The following EGLN1 variants were observed in gnomAD, a reference collection of about 807,000 sequenced individuals.
EGLN1 encodes the protein egl-9 family hypoxia inducible factor 1, also known as egl nine homolog 1.
In EGLN1, 17 loss-of-function variants were observed where a neutral mutation model predicts 38.3. The observed-to-expected ratio is 0.44, with a 90% CI of 0.30 to 0.67. The LOEUF (loss-of-function observed/expected upper bound fraction) is 0.67, where lower values mean the gene tolerates loss of function less well. EGLN1 is among the 30% of genes least tolerant of loss of function. EGLN1 has a pLI of 0.08. For missense variants in EGLN1, 477 were observed against 603.3 expected (o/e 0.79, Z 2.19); for synonymous variants, 283 against 257.5 (o/e 1.10, Z -0.95).
At chr1:231,383,773 C>T (rs994467459) in intron 1 of EGLN1, among the ~76,000 whole-genome samples, 13 of 151,912 alleles carry the variant, frequency 8.6e-5, no homozygotes, top group African/African-American at 2.2e-4. Flanking sequence ...CAGTAAGAAT[C>T]GCTTGGGTTA....
At position 231,369,160 on chromosome 1, in the gene EGLN1, C is replaced by T. The variant is rs138813666; in HGVS notation, c.1148+1402G>A. Among the ~76,000 whole-genome samples the T allele has an allele frequency of 9.2e-5, 14 of 152,202 alleles. No individual in the cohort carries two copies. The South Asian group carries it at 1.0e-3, about 11-fold the overall frequency. On this transcript the variant is annotated intron_variant, in intron 3 of 4. Transcript: ENST00000366641. ...TTCCATGCCTTAACTTGAACAACTACGCCTTTTCCCCCAGAACTTTACTAA... is the reference window on the plus strand; with the variant it reads ...TTCCATGCCTTAACTTGAACAACTATGCCTTTTCCCCCAGAACTTTACTAA...
intron 1 of EGLN1, among the ~76,000 whole-genome samples, chr1:231,419,374 A>G (rs1351055965): frequency 6.6e-6 from 1 of 152,216 alleles, no homozygotes. Flanking sequence ...TAACTTGGAA[A>G]GCTAAATTAA....
intron 1 of EGLN1, chr1:231,420,152 A>G (rs1205701479): frequency 6.6e-6 from 1 of 152,244 alleles, no homozygotes; most frequent in Non-Finnish European, 1.5e-5. Flanking sequence ...CCGCAATAGT[A>G]AAGAGAAAAC....
intron 1 of EGLN1, among the ~76,000 whole-genome samples, chr1:231,400,626 A>G (rs1688643301): frequency 6.6e-6 from 1 of 152,204 alleles, no homozygotes; most frequent in Admixed American, 6.5e-5. Flanking sequence ...CCTTTGAGTG[A>G]ATGGCTGGGT....
intron 1 of EGLN1, among the ~76,000 whole-genome samples, chr1:231,420,740 G>A (rs1337657224): frequency 6.6e-6 from 1 of 152,158 alleles, no homozygotes; most frequent in African/African-American, 2.4e-5. Context: ...AAGCGCCTAC[G>A]TTGAGTCAAA....
At chr1:231,392,144 G>A (rs1407388523) in intron 1 of EGLN1, among the ~76,000 whole-genome samples, 1 of 152,066 alleles carries the variant, frequency 6.6e-6, no homozygotes, top group East Asian at 1.9e-4. Flanking sequence ...AAAATTAGCC[G>A]GATGTGGTGG....
chr1:231,397,000 TTATC>T (rs746462269), intron 1 of EGLN1, among the ~76,000 whole-genome samples: 3 of 152,226 alleles, frequency 2.0e-5, no homozygotes, highest in Admixed American at 6.5e-5. Context: ...AACAGTCTTC[TTATC>T]TATCTCCCTC....
intron 1 of EGLN1, among the ~76,000 whole-genome samples, chr1:231,419,883 T>C (rs961298199): frequency 6.6e-6 from 1 of 152,068 alleles, no homozygotes; most frequent in African/African-American, 2.4e-5. Flanking sequence ...GAAAAACCAC[T>C]AGTTAGAGTC....
rs183940450 is a variant in EGLN1 at position 231,366,099 on chromosome 1, C to T, written c.*312G>A. On this transcript the variant is annotated 3_prime_UTR_variant, in exon 5 of 5. Transcript: ENST00000366641. ...AGATGAAATGAACTCAGCTAGATAACAGATCTGGCAAAATATAAGAATGAA... is the reference window on the plus strand; with the variant it reads ...AGATGAAATGAACTCAGCTAGATAATAGATCTGGCAAAATATAAGAATGAA... 7.2e-5 allele frequency: 27 copies of T among 372,598 alleles called. No individual in the cohort carries two copies. The Admixed American group carries it at 8.8e-4, about 12-fold the overall frequency. 23.1% of individuals were successfully genotyped at this position (372,598 alleles called of 1,614,324 possible). A position where few individuals can be genotyped will look rare whatever the true frequency, so the allele number is the denominator to read the frequency against.
intron 1 of EGLN1, among the ~76,000 whole-genome samples, chr1:231,411,869 G>T (rs1248090459): frequency 1.3e-5 from 2 of 151,366 alleles, no homozygotes; most frequent in African/African-American, 4.9e-5. Flanking sequence ...TGTGGTGGTG[G>T]GCACCTGTAG....
intron 1 of EGLN1, among the ~76,000 whole-genome samples, chr1:231,382,349 T>G (rs1341600356): frequency 6.6e-6 from 1 of 152,184 alleles, no homozygotes; most frequent in Non-Finnish European, 1.5e-5. Flanking sequence ...CCTGGAGCAC[T>G]TAGTTAACAT....
intron 1 of EGLN1, among the ~76,000 whole-genome samples, chr1:231,403,486 A>G (rs1688712476): frequency 6.6e-6 from 1 of 152,094 alleles, no homozygotes; most frequent in South Asian, 2.1e-4. Context: ...TAAGATTTTT[A>G]CAGGCTGGGT....
chr1:231,383,265 C>A (rs188658773), intron 1 of EGLN1, among the ~76,000 whole-genome samples: 1 of 152,108 alleles, frequency 6.6e-6, no homozygotes, highest in Non-Finnish European at 1.5e-5. Flanking sequence ...AGATTTGTAA[C>A]ACTCATTTAA....
chr1:231,403,953 G>T (rs1326759811), intron 1 of EGLN1, among the ~76,000 whole-genome samples: 1 of 151,696 alleles, frequency 6.6e-6, no homozygotes, highest in Non-Finnish European at 1.5e-5. Context: ...GAAAAACATA[G>T]GTATGAATAC....
intron 1 of EGLN1, among the ~76,000 whole-genome samples, chr1:231,381,806 T>C (rs2486740): frequency 0.54 from 82,831 of 152,076 alleles, 24,184 homozygotes; most frequent in Non-Finnish European, 0.65. Context: ...TTACCAGCAC[T>C]GCACAACTCT....
intron 1 of EGLN1, among the ~76,000 whole-genome samples, chr1:231,409,255 A>C (rs949729302): frequency 2.0e-4 from 29 of 141,642 alleles, no homozygotes; most frequent in African/African-American, 6.9e-4. Flanking sequence ...AAAAAAAAAA[A>C]ACAAAAAAAA....
intron 1 of EGLN1, among the ~76,000 whole-genome samples, chr1:231,410,093 T>C (rs1318559021): frequency 3.3e-5 from 5 of 152,202 alleles, no homozygotes. Flanking sequence ...AGAACTGACG[T>C]AAGAACTGGT....
chr1:231,383,279 T>C (rs565813160), intron 1 of EGLN1, among the ~76,000 whole-genome samples: 33 of 152,216 alleles, frequency 2.2e-4, no homozygotes, highest in African/African-American at 7.7e-4. Flanking sequence ...CATTTAACTG[T>C]AGCCTCCAAA....
At chr1:231,385,984 T>A (rs1688195023) in intron 1 of EGLN1, among the ~76,000 whole-genome samples, 2 of 152,258 alleles carry the variant, frequency 1.3e-5, no homozygotes, top group South Asian at 4.2e-4. Flanking sequence ...AGCTAATTTT[T>A]AAATTTTTTA....
Sources: allele counts gnomAD v4.1 joint callset (sites outside exome capture counted in the v4.1 genomes callset), GRCh38; gene constraint gnomAD v4.1.1; transcripts MANE v1.5; gene names NCBI Gene and HGNC (gene_info 2026-07-23, HGNC 2026-07-21).